Variants in HERC4 observed in about 807,000 individuals in gnomAD.
HERC4 encodes probable E3 ubiquitin-protein ligase HERC4.
HERC4 carries 28 observed loss-of-function variants against 124.3 expected under a neutral mutation model. The ratio of observed to expected loss-of-function variants is 0.23; its 90% CI spans 0.17 to 0.31. The LOEUF (loss-of-function observed/expected upper bound fraction) is 0.31. HERC4 is among the 10% of genes least tolerant of loss of function. The pLI, the probability that HERC4 is intolerant of heterozygous loss-of-function variation, is 1.00. For missense variants in HERC4, 713 were observed against 1,229.3 expected (o/e 0.58, Z 6.28); for synonymous variants, 407 against 421.5 (o/e 0.97, Z 0.42).
chr10:68,045,095 C>T (rs1275252213), intron 3 of HERC4, among the ~76,000 whole-genome samples: 3 of 152,142 alleles, frequency 2.0e-5, no homozygotes, highest in Admixed American at 6.5e-5. Context: ...CCAAGGAGGG[C>T]GGATCGCTTT....
At chr10:67,960,112 G>A (rs1235489246) in intron 16 of HERC4, among the ~76,000 whole-genome samples, 3 of 152,224 alleles carry the variant, frequency 2.0e-5, no homozygotes, top group African/African-American at 7.2e-5. Context: ...TCTGCTTCCA[G>A]AAGAGCTGGG....
chr10:68,019,641 TTTG>T (rs1280976299), intron 8 of HERC4, among the ~76,000 whole-genome samples: 1 of 152,020 alleles, frequency 6.6e-6, no homozygotes, highest in African/African-American at 2.4e-5. Context: ...CTATGCACGG[TTTG>T]TTATTTCCAA....
At chr10:67,938,721 G>A (rs1589134774) in intron 21 of HERC4, among the ~76,000 whole-genome samples, 1 of 151,886 alleles carries the variant, frequency 6.6e-6, no homozygotes, top group Non-Finnish European at 1.5e-5. Context: ...CGAGGCGGGT[G>A]GATCATGAGG....
At chr10:68,062,340 T>C (rs1179973237) in intron 3 of HERC4, among the ~76,000 whole-genome samples, 1 of 152,184 alleles carries the variant, frequency 6.6e-6, no homozygotes, top group Non-Finnish European at 1.5e-5. Context: ...TGATTCTACC[T>C]AGGATCATAC....
In HERC4 at chr10:68,032,888, G is replaced by T; in HGVS notation, c.686-19C>A. 1 of 1,218,624 alleles carries T rather than the reference G, an allele frequency of 8.2e-7. No homozygotes were observed. The highest frequency in any genetic ancestry group is 1.2e-6 in the Non-Finnish European group (1 of 820,134). 75.5% of individuals were successfully genotyped at this position (1,218,624 alleles called of 1,614,324 possible). A position where few individuals can be genotyped will look rare whatever the true frequency, so the allele number is the denominator to read the frequency against. On this transcript the variant is annotated intron_variant, in intron 6 of 24. Transcript: ENST00000373700. ...TACCTATCTGAAAATTCCAACAAGA[G>T]ATGTTAATAGTATTTTAAAAATCAA... is the stretch of plus-strand genomic sequence containing the variant.
At chr10:68,036,429 T>C (rs1260581760) in intron 5 of HERC4, among the ~76,000 whole-genome samples, 1 of 152,060 alleles carries the variant, frequency 6.6e-6, no homozygotes, top group Non-Finnish European at 1.5e-5. Context: ...AGTAAAACCT[T>C]TGAGTTTAAA....
intron 8 of HERC4, among the ~76,000 whole-genome samples, chr10:68,022,492 T>C (rs1340239889): frequency 2.9e-5 from 4 of 137,902 alleles, no homozygotes; most frequent in African/African-American, 1.1e-4. Flanking sequence ...AGAGCAAAAC[T>C]CCATCTCAAA....
intron 9 of HERC4, 50 bp downstream of exon 9, chr10:68,013,976 T>A: frequency 7.0e-7 from 1 of 1,424,510 alleles, no homozygotes; most frequent in Non-Finnish European, 9.5e-7. Flanking sequence ...AGCAACATTT[T>A]AACAAGAACT....
At chr10:67,980,165 G>C (rs1401417047) in intron 15 of HERC4, among the ~76,000 whole-genome samples, 1 of 152,088 alleles carries the variant, frequency 6.6e-6, no homozygotes, top group Non-Finnish European at 1.5e-5. Flanking sequence ...AGGCTGGAGT[G>C]CAATGGCGCG....
intron 20 of HERC4, 107 bp from the exon 21 acceptor site, chr10:67,939,761 A>T: frequency 2.0e-6 from 1 of 488,220 alleles, no homozygotes; most frequent in Non-Finnish European, 3.4e-6. Flanking sequence ...CCTCTTGGTA[A>T]AATCCTTTTG....
chr10:67,988,634 G>A (rs1397579418), intron 15 of HERC4, 29 bp downstream of exon 15: 2 of 1,366,588 alleles, frequency 1.5e-6, no homozygotes, highest in Admixed American at 2.5e-5. Context: ...AATGGGGAAA[G>A]AGGAAAATAA....
chr10:67,971,621 G>A (rs1346476471), intron 15 of HERC4, among the ~76,000 whole-genome samples: 1 of 152,014 alleles, frequency 6.6e-6, no homozygotes, highest in East Asian at 1.9e-4. Context: ...AGAAATGGAA[G>A]AAAATTTCTT....
chr10:67,923,493 T>G (rs145221350), intron 24 of HERC4, among the ~76,000 whole-genome samples: 2 of 152,218 alleles, frequency 1.3e-5, no homozygotes, highest in African/African-American at 4.8e-5. Context: ...TTATGATTTC[T>G]TTTTCTATTT....
intron 15 of HERC4, among the ~76,000 whole-genome samples, chr10:67,975,488 T>C (rs2035531001): frequency 6.6e-6 from 1 of 152,140 alleles, no homozygotes; most frequent in South Asian, 2.1e-4. Context: ...TAGCTGGGAT[T>C]ACAGGTGCCC....
chr10:68,017,901 T>C (rs1472653483), intron 8 of HERC4, among the ~76,000 whole-genome samples: 1 of 152,136 alleles, frequency 6.6e-6, no homozygotes, highest in Non-Finnish European at 1.5e-5. Context: ...CTAAAGAAAT[T>C]GAAGAATGTT....
At chr10:68,074,050 G>A (rs1334162464) in intron 1 of HERC4, 1 of 152,112 alleles carries the variant, frequency 6.6e-6, no homozygotes, top group Non-Finnish European at 1.5e-5. Flanking sequence ...TGGCGGGGGG[G>A]AATTGCAAAT....
intron 9 of HERC4, chr10:68,010,677 C>A: frequency 6.8e-7 from 1 of 1,474,466 alleles, no homozygotes; most frequent in Non-Finnish European, 9.4e-7. Flanking sequence ...CAGCAAGGGC[C>A]GCGCCGCTTA....
At chr10:67,934,351 C>T (rs572935152) in intron 22 of HERC4, among the ~76,000 whole-genome samples, 21 of 152,234 alleles carry the variant, frequency 1.4e-4, no homozygotes, top group African/African-American at 5.1e-4. Flanking sequence ...AAGAAATATC[C>T]ATTTCCTCTA....
At chr10:68,010,710 G>A (rs914054121) in intron 9 of HERC4, 4 of 1,484,054 alleles carry the variant, frequency 2.7e-6, no homozygotes, top group Non-Finnish European at 3.7e-6. Context: ...AAGCTAAGCT[G>A]TTGAGCCTCA....
Sources: gnomAD v4.1 joint callset for allele counts (sites outside exome capture counted in the v4.1 genomes callset) on GRCh38, gnomAD v4.1.1 for gene constraint, MANE v1.5 for transcripts, NCBI Gene and HGNC (gene_info 2026-07-23, HGNC 2026-07-21) for gene names.